RGS6: variants seen among roughly 807,000 people sequenced by gnomAD.
RGS6 encodes the protein regulator of G-protein signaling 6.
A neutral mutation model predicts 78.5 loss-of-function variants in RGS6; 30 were observed. The ratio of observed to expected loss-of-function variants is 0.38; its 90% CI spans 0.29 to 0.52. The LOEUF is 0.52. Among genes scored for constraint, RGS6 ranks in the 20% least tolerant of loss-of-function variants. RGS6 has a pLI of 0.85. For missense variants in RGS6, 495 were observed against 609.7 expected, an observed-to-expected ratio of 0.81 and a Z score of 1.98; for synonymous variants, 206 against 206.0, an observed-to-expected ratio of 1.00 and a Z score of 0.00.
At chr14:71,951,516 C>G (rs903358545) in intron 1 of RGS6, among the ~76,000 whole-genome samples, 2 of 152,114 alleles carry the variant, frequency 1.3e-5, no homozygotes, top group Non-Finnish European at 2.9e-5. Context: ...CACACGTTTA[C>G]CTATGTAACA....
the RGS6 span, among the ~76,000 whole-genome samples, chr14:71,883,386 C>T: frequency 1.3e-5 from 2 of 152,294 alleles, no homozygotes; most frequent in East Asian, 3.9e-4. Flanking sequence ...ATTAGCTAAA[C>T]CACAGAAAGT....
intron 2 of RGS6, among the ~76,000 whole-genome samples, chr14:72,001,895 CTT>C (rs59274317): frequency 0.029 from 2,660 of 92,320 alleles, 19 homozygotes; most frequent in African/African-American, 0.077. Flanking sequence ...ATCCATTAAT[CTT>C]TTTTTTTTTT....
intron 2 of RGS6, among the ~76,000 whole-genome samples, chr14:72,282,192 G>A (rs1025254634): frequency 2.6e-5 from 4 of 152,162 alleles, no homozygotes; most frequent in East Asian, 3.8e-4. Flanking sequence ...TGTGGCAGCC[G>A]TGAGAGATGG....
At chr14:72,190,405 T>C (rs2059993574) in intron 2 of RGS6, among the ~76,000 whole-genome samples, 1 of 152,238 alleles carries the variant, frequency 6.6e-6, no homozygotes, top group African/African-American at 2.4e-5. Flanking sequence ...GGAATGTGTG[T>C]GTGTGTGTTG....
At chr14:72,589,596 C>CTATA in the RGS6 span, among the ~76,000 whole-genome samples, 320 of 151,244 alleles carry the variant, frequency 2.1e-3, 3 homozygotes, top group African/African-American at 6.8e-3. Flanking sequence ...CAATATGTCA[C>CTATA]TATATATATA....
chr14:71,913,668 G>C, the RGS6 span, among the ~76,000 whole-genome samples: 1 of 152,204 alleles, frequency 6.6e-6, no homozygotes, highest in Non-Finnish European at 1.5e-5. Context: ...GAGGAACTTG[G>C]AACAATTTTT....
chr14:72,507,526 A>G (rs1218355304), intron 13 of RGS6, among the ~76,000 whole-genome samples: 4 of 152,134 alleles, frequency 2.6e-5, no homozygotes, highest in African/African-American at 9.7e-5. Flanking sequence ...TGACCTTGCC[A>G]TTTTCCAGAT....
At chr14:72,541,674 C>A (rs1001021261) in intron 17 of RGS6, 146 of 1,509,522 alleles carry the variant, frequency 9.7e-5, no homozygotes, top group Non-Finnish European at 1.3e-4. Flanking sequence ...GGCTACTGTG[C>A]GGGTGGAGGA....
chr14:71,872,800 A>G, the RGS6 span, among the ~76,000 whole-genome samples: 16 of 151,924 alleles, frequency 1.1e-4, no homozygotes, highest in South Asian at 3.3e-3. Flanking sequence ...CCCATTCCCC[A>G]TCCCACGACA....
chr14:71,883,596 G>A, the RGS6 span, among the ~76,000 whole-genome samples: 2 of 152,292 alleles, frequency 1.3e-5, no homozygotes, highest in South Asian at 2.1e-4. Flanking sequence ...AAGAGGTGAG[G>A]CATTCTAAGT....
At chr14:72,276,132 G>T (rs1396775060) in intron 2 of RGS6, among the ~76,000 whole-genome samples, 1 of 152,140 alleles carries the variant, frequency 6.6e-6, no homozygotes. Context: ...GCATTTTTAT[G>T]TAGAAAAGCT....
downstream of RGS6, among the ~76,000 whole-genome samples, chr14:72,570,191 C>T (rs896271554): frequency 6.6e-6 from 1 of 152,136 alleles, no homozygotes; most frequent in African/African-American, 2.4e-5. Flanking sequence ...ATGATTTACA[C>T]AGCATTTACA....
At chr14:72,399,100 A>T (rs1303939580) in intron 3 of RGS6, among the ~76,000 whole-genome samples, 1 of 149,322 alleles carries the variant, frequency 6.7e-6, no homozygotes, top group Non-Finnish European at 1.5e-5. Flanking sequence ...CAATTCCTGG[A>T]TATCCTTGTT....
chr14:72,547,451 T>A, intron 17 of RGS6: 1 of 793,090 alleles, frequency 1.3e-6, no homozygotes, highest in Non-Finnish European at 2.0e-6. Flanking sequence ...CCTTTTAAAA[T>A]AGTGATGAGT....
At chr14:71,904,146 T>C in the RGS6 span, among the ~76,000 whole-genome samples, 1 of 152,150 alleles carries the variant, frequency 6.6e-6, no homozygotes, top group Admixed American at 6.5e-5. Context: ...CAGCGTCTAT[T>C]TCCTCTTTTT....
At chr14:72,244,828 CTTT>C (rs56904507) in intron 2 of RGS6, among the ~76,000 whole-genome samples, 2 of 145,464 alleles carry the variant, frequency 1.4e-5, no homozygotes, top group Admixed American at 6.8e-5. Flanking sequence ...AAAAATTGGT[CTTT>C]TTTTTTTTTT....
chr14:72,546,650 G>A (rs1473191598), intron 17 of RGS6, among the ~76,000 whole-genome samples: 2 of 152,180 alleles, frequency 1.3e-5, no homozygotes, highest in Admixed American at 6.5e-5. Context: ...AGCTGCTCCT[G>A]GCTTTCCCTG....
At chr14:72,453,783 G>A (rs1233525685) in intron 3 of RGS6, among the ~76,000 whole-genome samples, 1 of 152,028 alleles carries the variant, frequency 6.6e-6, no homozygotes, top group Non-Finnish European at 1.5e-5. Flanking sequence ...TGGGCGTAAT[G>A]TCCATGGTTG....
rs535489626 is a variant in RGS6 at position 72,384,837 on chromosome 14, G to A, written c.184+32643G>A. Among the ~76,000 whole-genome samples the A allele has an allele frequency of 9.2e-5, 14 of 152,172 alleles. No individual in the cohort carries two copies. The East Asian group carries it at 1.9e-3, about 21-fold the overall frequency. On this transcript the variant is annotated intron_variant, in intron 3 of 17. Coordinates refer to ENST00000553525, the MANE Select transcript of RGS6 (RefSeq NM_001204424.2). ...GCAATCTTGTCTCACTGCAATCTCC[G>A]CCTCCCGGATTCAAGTAATTCTCCT...
Sources: allele counts gnomAD v4.1 joint callset (sites outside exome capture counted in the v4.1 genomes callset), GRCh38; gene constraint gnomAD v4.1.1; transcripts MANE v1.5; gene names NCBI Gene and HGNC (gene_info 2026-07-23, HGNC 2026-07-21).